HEMK1: variants seen among roughly 807,000 people sequenced by gnomAD.
HEMK1 encodes MTRF1L release factor glutamine methyltransferase.
HEMK1 carries 36 observed loss-of-function variants against 47.9 expected under a neutral mutation model. The ratio of observed to expected loss-of-function variants is 0.75; its 90% CI spans 0.58 to 0.99. The LOEUF (loss-of-function observed/expected upper bound fraction) is 0.99. Among genes scored for constraint, HEMK1 ranks in the 50% least tolerant of loss-of-function variants. The probability of loss-of-function intolerance (pLI) is 0.00; values close to 1 mark genes in which losing one functional copy is unlikely to be tolerated. For missense variants in HEMK1, 383 were observed against 434.5 expected (o/e 0.88, Z 1.05); for synonymous variants, 153 against 165.4 (o/e 0.93, Z 0.57).
At chr3:50,579,702 CCTT>C in intron 8 of HEMK1, 139 bp from the exon 9 acceptor site, 1 of 624,458 alleles carries the variant, frequency 1.6e-6, no homozygotes, top group South Asian at 2.1e-5. Flanking sequence ...TTGGGGCCCT[CCTT>C]CTCTGGGTCC....
intron 5 of HEMK1, 64 bp from the exon 6 acceptor site, chr3:50,577,445 C>A: frequency 1.3e-6 from 2 of 1,503,218 alleles, no homozygotes; most frequent in Non-Finnish European, 1.9e-6. Flanking sequence ...GTCCCCCAGG[C>A]CCAGTATCTT....
intron 4 of HEMK1, among the ~76,000 whole-genome samples, chr3:50,575,111 C>T (rs1241605643): frequency 6.6e-6 from 1 of 152,054 alleles, no homozygotes; most frequent in African/African-American, 2.4e-5. Context: ...CCACAGAGAG[C>T]TTGCCCATCA....
intron 4 of HEMK1, among the ~76,000 whole-genome samples, chr3:50,573,672 C>T (rs907482504): frequency 6.6e-6 from 1 of 152,294 alleles, no homozygotes; most frequent in South Asian, 2.1e-4. Context: ...CAGGTTCACC[C>T]CAATGTAAAG....
At position 50,589,493 on chromosome 3, in the gene HEMK1, GGAGGCT is replaced by G. The variant is rs1193444208; in HGVS notation, c.*9082_*9087del. ...ACATGCCTGTGGTCCCACCTACTCGGGAGGCTGAGGCAGGAGGATTACTTGAGCACA... is the reference window on the plus strand; with the variant it reads ...ACATGCCTGTGGTCCCACCTACTCGGGAGGCAGGAGGATTACTTGAGCACA... On this transcript the variant is annotated 3_prime_UTR_variant, in exon 11 of 11. Coordinates refer to ENST00000232854, the MANE Select transcript of HEMK1 (RefSeq NM_016173.5). 6.6e-6 allele frequency: 1 copy of G among 152,080 alleles called. No homozygotes were observed. Among genetic ancestry groups the G allele is most frequent in the Non-Finnish European group, 1.5e-5 (1 of 68,018 alleles). 9.4% of individuals were successfully genotyped at this position (152,080 alleles called of 1,614,324 possible).
intron 4 of HEMK1, among the ~76,000 whole-genome samples, chr3:50,576,771 G>T (rs544627277): frequency 1.3e-5 from 2 of 152,346 alleles, no homozygotes; most frequent in African/African-American, 4.8e-5. Flanking sequence ...AGCTGGGGTT[G>T]ATTGAACACT....
intron 4 of HEMK1, among the ~76,000 whole-genome samples, chr3:50,574,795 C>T (rs1488587610): frequency 6.6e-6 from 1 of 152,206 alleles, no homozygotes; most frequent in Non-Finnish European, 1.5e-5. Flanking sequence ...TACACACTCT[C>T]TCCTGCTGGA....
chr3:50,572,226 G>C lies in HEMK1; in HGVS notation c.414+18G>C. ...AAACAGAGGTAGGTGTGCCACCAGG[G>C]CAAGGCAGGATCAGGATGATGGTGG... On this transcript the variant is annotated intron_variant, in intron 4 of 10. Transcript: ENST00000232854. The C allele has an allele frequency of 6.4e-7, 1 of 1,560,528 alleles. No individual in the cohort carries two copies. The highest frequency in any genetic ancestry group is 8.8e-7 in the Non-Finnish European group (1 of 1,140,910).
At position 50,571,726 on chromosome 3, in the gene HEMK1, C is replaced by T. The variant is rs1264566182; in HGVS notation, c.245C>T (p.Pro82Leu). The T allele has an allele frequency of 1.9e-5, 30 of 1,614,028 alleles. No individual in the cohort carries two copies. Among genetic ancestry groups the T allele is most frequent in the Middle Eastern group, 1.6e-4 (1 of 6,084 alleles). ...TGGGGACAGTTTCAGAGCCTGAGGC[C>T]GGCACTTTGGACCCAGCCCTTGACC... ...LGAKTFQSLR[P>L]ALWTQPLTSQ... The change falls in exon 3 of 11, where the codon CCG becomes CTG. Residue 82 changes from proline to leucine, a missense_variant. Coordinates refer to ENST00000232854, the MANE Select transcript of HEMK1 (RefSeq NM_016173.5).
At position 50,580,411 on chromosome 3, in the gene HEMK1, G is replaced by A; in HGVS notation, c.1011G>A (p.Gly337=). Residue 337 remains glycine (G), a synonymous_variant, in exon 11 of 11, where the codon GGG becomes GGA. Transcript: ENST00000232854. The stretch of plus-strand genomic sequence containing the variant: ...GGTTCCTGCATATCCGGAGGTCTGG[G>A]CCATAGCATGGCTGCCCTGTGGATG... ...RPRFLHIRRS[G]P 6 of 1,614,104 alleles carry A rather than the reference G, an allele frequency of 3.7e-6. No individual in the cohort carries two copies. The highest frequency in any genetic ancestry group is 5.1e-6 in the Non-Finnish European group (6 of 1,179,984).
In HEMK1 at chr3:50,580,118, G is replaced by GT; in HGVS notation, c.870dup (p.Ile291TyrfsTer22). 6.2e-7 allele frequency: 1 copy of GT among 1,613,510 alleles called. No homozygotes were observed. The highest frequency in any genetic ancestry group is 8.5e-7 in the Non-Finnish European group (1 of 1,179,424). On this transcript the variant is annotated frameshift_variant, in exon 10 of 11. Transcript: ENST00000232854. LOFTEE classifies it high-confidence loss of function. ...CCACCCATTTCTCCCCCATGTAGTA[G>GT]TATCTTCTTAGAAGTGGACCCAAGG... is the stretch of plus-strand genomic sequence containing the variant.
chr3:50,577,670 A>G, intron 6 of HEMK1, 97 bp downstream of exon 6: 1 of 1,417,578 alleles, frequency 7.1e-7, no homozygotes, highest in Non-Finnish European at 1.0e-6. Flanking sequence ...AGGAGGAAGC[A>G]GTGGGGTAGC....
chr3:50,577,006 G>A (rs780772677), intron 4 of HEMK1, 46 bp from the exon 5 acceptor site: 2 of 1,610,194 alleles, frequency 1.2e-6, no homozygotes, highest in East Asian at 2.2e-5. Context: ...AGACCCCCAG[G>A]AGCCACGTTG....
At chr3:50,576,176 G>A (rs1701572408) in intron 4 of HEMK1, among the ~76,000 whole-genome samples, 1 of 152,224 alleles carries the variant, frequency 6.6e-6, no homozygotes, top group African/African-American at 2.4e-5. Context: ...TGGCCTAGGA[G>A]CCTCCCTGGG....
chr3:50,589,537 A>C lies in HEMK1; in HGVS notation c.*9120A>C, dbSNP rs1462313184. 2 of 151,778 alleles carry C rather than the reference A, an allele frequency of 1.3e-5. No homozygotes were observed. The highest frequency in any genetic ancestry group is 2.9e-5 in the Non-Finnish European group (2 of 67,924). The allele number at this position is 151,778 out of a possible 1,614,324, so 9.4% of individuals were successfully genotyped here. On this transcript the variant is annotated 3_prime_UTR_variant, in exon 11 of 11. Coordinates refer to ENST00000232854, the MANE Select transcript of HEMK1 (RefSeq NM_016173.5). ...TTACTTGAGCACAAGAGTTTAAGAC[A>C]GCAGTGAGCTATAATAGCGCCACTG... is the stretch of plus-strand genomic sequence containing the variant.
intron 4 of HEMK1, among the ~76,000 whole-genome samples, chr3:50,575,214 GGAGTTCGA>G (rs1701443439): frequency 6.6e-6 from 1 of 152,088 alleles, no homozygotes; most frequent in African/African-American, 2.4e-5. Flanking sequence ...CCTGAGGTCG[GGAGTTCGA>G]GACCAGCCTG....
chr3:50,571,446 C>A, intron 2 of HEMK1, 114 bp downstream of exon 2: 1 of 803,204 alleles, frequency 1.2e-6, no homozygotes, highest in South Asian at 1.8e-5. Context: ...TGGGATTTTT[C>A]TGAAGGAACG....
At position 50,580,688 on chromosome 3, in the gene HEMK1, T is replaced by C; in HGVS notation, c.*271T>C. On this transcript the variant is annotated 3_prime_UTR_variant, in exon 11 of 11. Transcript: ENST00000232854. Reference sequence around the variant, plus strand: ...GAGAGACTAACAAATGGTGACCTAATGTTTTGTCCATGACTTGCAGGTCCC... The same window carrying C: ...GAGAGACTAACAAATGGTGACCTAACGTTTTGTCCATGACTTGCAGGTCCC... 1.9e-6 allele frequency: 1 copy of C among 536,220 alleles called. No homozygotes were observed. The highest frequency in any genetic ancestry group is 3.3e-6 in the Non-Finnish European group (1 of 300,986). The allele number at this position is 536,220 out of a possible 1,614,324, so 33.2% of individuals were successfully genotyped here.
chr3:50,583,780 A>G lies in HEMK1; in HGVS notation c.*3363A>G, dbSNP rs2107519890. The G allele has an allele frequency of 6.6e-6, 1 of 152,440 alleles. No individual in the cohort carries two copies. Among genetic ancestry groups the G allele is most frequent in the Admixed American group, 6.5e-5 (1 of 15,276 alleles). The allele number at this position is 152,440 out of a possible 1,614,324, so 9.4% of individuals were successfully genotyped here. ...TCCACTTCTTCAAGCTCCAACACAA[A>G]TGCTGCCTCCTTTAGGATGCCTGCT... On this transcript the variant is annotated 3_prime_UTR_variant, in exon 11 of 11. Coordinates refer to ENST00000232854, the MANE Select transcript of HEMK1 (RefSeq NM_016173.5).
At position 50,580,539 on chromosome 3, in the gene HEMK1, T is replaced by C; in HGVS notation, c.*122T>C. The C allele has an allele frequency of 1.0e-6, 1 of 996,820 alleles. No homozygotes were observed. The allele number at this position is 996,820 out of a possible 1,614,324, so 61.7% of individuals were successfully genotyped here. A position where few individuals can be genotyped will look rare whatever the true frequency, so the allele number is the denominator to read the frequency against. On this transcript the variant is annotated 3_prime_UTR_variant, in exon 11 of 11. Transcript: ENST00000232854. ...AGGGTTCTGTGATTTCCCCATGCTC[T>C]GCATTTCTAGGATATTTCTAGGACA...
Sources: gnomAD v4.1 joint callset for allele counts (sites outside exome capture counted in the v4.1 genomes callset) on GRCh38, gnomAD v4.1.1 for gene constraint, MANE v1.5 for transcripts, NCBI Gene and HGNC (gene_info 2026-07-23, HGNC 2026-07-21) for gene names.